The following SIPA1L1 variants were observed in gnomAD, a reference collection of about 807,000 sequenced individuals.
The protein encoded by SIPA1L1 is signal-induced proliferation-associated 1-like protein 1.
A neutral mutation model predicts 162.7 loss-of-function variants in SIPA1L1; 26 were observed. The ratio of observed to expected loss-of-function variants is 0.16; its 90% CI spans 0.12 to 0.22. The LOEUF (loss-of-function observed/expected upper bound fraction) is 0.22, where lower values mean the gene tolerates loss of function less well. SIPA1L1 is among the 10% of genes least tolerant of loss of function. SIPA1L1 has a pLI of 1.00. For synonymous variants in SIPA1L1, 829 were observed against 837.4 expected, an observed-to-expected ratio of 0.99 and a Z score of 0.17; for missense variants, 1,874 against 2,241.0, an observed-to-expected ratio of 0.84 and a Z score of 3.31.
chr14:71,444,968 A>G (rs1049957840), intron 2 of SIPA1L1, among the ~76,000 whole-genome samples: 9 of 152,202 alleles, frequency 5.9e-5, no homozygotes, highest in Admixed American at 2.6e-4. Context: ...CCACCCCAGG[A>G]CCAGGTGGTT....
chr14:71,457,822 C>T (rs958197682), intron 2 of SIPA1L1, among the ~76,000 whole-genome samples: 1 of 151,990 alleles, frequency 6.6e-6, no homozygotes, highest in Non-Finnish European at 1.5e-5. Context: ...GTCTCGAACT[C>T]CTGACCTCAG....
chr14:71,364,485 C>T (rs1373536414), intron 2 of SIPA1L1, among the ~76,000 whole-genome samples: 1 of 152,118 alleles, frequency 6.6e-6, no homozygotes, highest in African/African-American at 2.4e-5. Flanking sequence ...TTTCATTTAA[C>T]ATAAGACATT....
intron 2 of SIPA1L1, among the ~76,000 whole-genome samples, chr14:71,360,669 C>T (rs564520741): frequency 6.6e-6 from 1 of 152,140 alleles, no homozygotes; most frequent in South Asian, 2.1e-4. Context: ...TTTAGTCTTG[C>T]AAAAATGTGC....
At chr14:71,387,175 G>A (rs2040390955) in intron 2 of SIPA1L1, among the ~76,000 whole-genome samples, 1 of 146,302 alleles carries the variant, frequency 6.8e-6, no homozygotes, top group African/African-American at 2.5e-5. Context: ...GTGAATCTGG[G>A]AGGTGGAGGT....
chr14:71,325,158 C>G (rs1425027788), intron 2 of SIPA1L1, among the ~76,000 whole-genome samples: 1 of 152,204 alleles, frequency 6.6e-6, no homozygotes, highest in Non-Finnish European at 1.5e-5. Flanking sequence ...TCCCTTGAGA[C>G]TGACAATCTG....
In SIPA1L1 at chr14:71,567,154, T is replaced by C. The variant is rs552639333; in HGVS notation, c.-302-20417T>C. On this transcript the variant is annotated intron_variant, in intron 4 of 23. Transcript: ENST00000381232. ...GGCAGCAAGCAGGGCCCCCCACACA[T>C]TACTATGAGTTGTAAAATTGTTACA... 6.6e-4 allele frequency among the ~76,000 whole-genome samples: 101 copies of C among 152,268 alleles called. 1 individual carries two copies. Among genetic ancestry groups the C allele is most frequent in the African/African-American group, 2.4e-3 (98 of 41,566 alleles).
rs761480054 is a variant in SIPA1L1, at chr14:71,709,326, C to T, written c.3870C>T (p.Ser1290=). Residue 1290 remains serine, a synonymous_variant, in exon 17 of 24, where the codon TCC becomes TCT. Transcript: ENST00000381232. The part of the protein sequence containing the change: ...EKWYDGDRTE[S]ELNSYNYLQG... ...GGTACGATGGGGACCGCACAGAATCCGAACTCAACAGCTATAACTATCTGC... is the reference window on the plus strand; with the variant it reads ...GGTACGATGGGGACCGCACAGAATCTGAACTCAACAGCTATAACTATCTGC... 13 of 1,614,088 alleles carry T rather than the reference C, an allele frequency of 8.1e-6. No homozygotes were observed. The highest frequency in any genetic ancestry group is 2.2e-5 in the East Asian group (1 of 44,892).
chr14:71,699,257 T>C (rs1176771847), intron 14 of SIPA1L1, 130 bp downstream of exon 14: 1 of 881,154 alleles, frequency 1.1e-6, no homozygotes, highest in African/African-American at 1.7e-5. Flanking sequence ...AGAGAAAACG[T>C]AGTTAATAAT....
At chr14:71,426,842 G>A (rs540419858) in intron 2 of SIPA1L1, among the ~76,000 whole-genome samples, 6 of 151,988 alleles carry the variant, frequency 3.9e-5, no homozygotes, top group Non-Finnish European at 8.8e-5. Context: ...AATAGTTCAG[G>A]CACCACCTTT....
rs1438116261 is a variant in SIPA1L1 at position 71,709,390 on chromosome 14, T to TA, written c.3935dup (p.Tyr1312Ter). 6.2e-7 allele frequency: 1 copy of TA among 1,614,168 alleles called. No homozygotes were observed. The change falls in exon 17 of 24, where the codon TAT becomes TAAT. Residue 1312 changes from tyrosine to a stop codon, truncating the protein, a stop_gained and frameshift_variant. Transcript: ENST00000381232. LOFTEE classifies it high-confidence loss of function. The part of the protein sequence containing the change: ...SADSGIDTTS[Y>*]GPSHGSTASL... Reference sequence around the variant, plus strand: ...TGACAGTGGCATTGACACCACCTCTTATGGCCCCAGCCACGGCAGCACAGC... The same window carrying TA: ...TGACAGTGGCATTGACACCACCTCTTAATGGCCCCAGCCACGGCAGCACAGC...
At chr14:71,515,748 CTG>C (rs1473539545) in intron 3 of SIPA1L1, among the ~76,000 whole-genome samples, 1 of 152,156 alleles carries the variant, frequency 6.6e-6, no homozygotes, top group Non-Finnish European at 1.5e-5. Context: ...AGCCATTCTC[CTG>C]TCTCAGCCTC....
At chr14:71,561,169 T>C (rs2056759594) in intron 4 of SIPA1L1, among the ~76,000 whole-genome samples, 1 of 152,172 alleles carries the variant, frequency 6.6e-6, no homozygotes, top group Non-Finnish European at 1.5e-5. Flanking sequence ...ATATATACAT[T>C]TATATTCCAC....
chr14:71,543,694 C>A (rs1596003997), intron 4 of SIPA1L1, among the ~76,000 whole-genome samples: 1 of 144,122 alleles, frequency 6.9e-6, no homozygotes, highest in East Asian at 2.0e-4. Flanking sequence ...CGGTCAGTAA[C>A]TTTTTTCTTT....
chr14:71,710,805 C>G (rs2150019237), intron 17 of SIPA1L1, among the ~76,000 whole-genome samples: 2 of 113,098 alleles, frequency 1.8e-5, no homozygotes, highest in Middle Eastern at 5.3e-3. Context: ...GAGATTCTGT[C>G]TCAAAAAAAA....
At chr14:71,331,806 T>C (rs1419044216) in intron 2 of SIPA1L1, among the ~76,000 whole-genome samples, 1 of 152,164 alleles carries the variant, frequency 6.6e-6, no homozygotes, top group Non-Finnish European at 1.5e-5. Context: ...GTAGAATACT[T>C]AACCACAGCA....
intron 8 of SIPA1L1, among the ~76,000 whole-genome samples, chr14:71,652,570 A>T (rs931285380): frequency 4.0e-5 from 6 of 151,446 alleles, no homozygotes; most frequent in Non-Finnish European, 7.4e-5. Context: ...CTGAGACTCC[A>T]ATTACACATA....
chr14:71,709,200 A>G, intron 16 of SIPA1L1, 22 bp from the exon 17 acceptor site: 1 of 1,585,920 alleles, frequency 6.3e-7, no homozygotes, highest in Middle Eastern at 1.7e-4. Flanking sequence ...TTGCACTCAA[A>G]TAAATTCTGC....
intron 2 of SIPA1L1, among the ~76,000 whole-genome samples, chr14:71,467,023 A>G (rs1276656343): frequency 6.6e-6 from 1 of 152,232 alleles, no homozygotes; most frequent in Non-Finnish European, 1.5e-5. Context: ...CTCATAACTC[A>G]GACACAGTTT....
chr14:71,699,379 T>C (rs571039685), intron 14 of SIPA1L1, among the ~76,000 whole-genome samples: 7 of 152,236 alleles, frequency 4.6e-5, no homozygotes, highest in Non-Finnish European at 8.8e-5. Flanking sequence ...CATTAGTTTG[T>C]CCATTGTATA....
Sources: gnomAD v4.1 joint callset for allele counts (sites outside exome capture counted in the v4.1 genomes callset) on GRCh38, gnomAD v4.1.1 for gene constraint, MANE v1.5 for transcripts, NCBI Gene and HGNC (gene_info 2026-07-23, HGNC 2026-07-21) for gene names.